MYO9A: variants seen among roughly 807,000 people sequenced by gnomAD.
MYO9A encodes myosin IXA, also known as unconventional myosin-IXa.
MYO9A carries 103 observed loss-of-function variants against 293.3 expected under a neutral mutation model. The observed-to-expected ratio is 0.35, with a 90% CI of 0.30 to 0.41. MYO9A has a LOEUF of 0.41. Among genes scored for constraint, MYO9A ranks in the 10% least tolerant of loss-of-function variants. MYO9A has a pLI of 1.00. For missense variants in MYO9A, 2,685 were observed against 3,033.0 expected (o/e 0.89, Z 2.69); for synonymous variants, 1,001 against 1,035.7 (o/e 0.97, Z 0.64).
Position 71,878,736 on chromosome 15 carries a change from T to C in MYO9A, c.5740-505A>G, listed in dbSNP as rs549411790. Among the ~76,000 whole-genome samples, 9 of 141,442 alleles carry C rather than the reference T, an allele frequency of 6.4e-5. No homozygotes were observed. In the South Asian group the frequency reaches 1.6e-3, roughly 24 times the overall value. The allele number at this position is 141,442 out of a possible 152,430, so 92.8% of individuals were successfully genotyped here. A position where few individuals can be genotyped will look rare whatever the true frequency, so the allele number is the denominator to read the frequency against. On this transcript the variant is annotated intron_variant, in intron 30 of 41. Coordinates refer to ENST00000356056, the MANE Select transcript of MYO9A (RefSeq NM_006901.4). ...GAATTTCTTTTATTTAAATGAGATC[T>C]GGAATTTTTTTTTTTTTTTTTTTTT...
At chr15:72,010,194 TA>T (rs2077132321) in intron 7 of MYO9A, among the ~76,000 whole-genome samples, 155 bp downstream of exon 7, 1 of 151,990 alleles carries the variant, frequency 6.6e-6, no homozygotes, top group Non-Finnish European at 1.5e-5. Context: ...TAATTTATGA[TA>T]AAAAAAGGAA....
chr15:71,956,860 A>ATATATAT (rs2059213708), intron 14 of MYO9A, among the ~76,000 whole-genome samples: 2 of 140,330 alleles, frequency 1.4e-5, no homozygotes, highest in African/African-American at 5.4e-5. Context: ...CACACACACA[A>ATATATAT]ATATATATAT....
At chr15:72,107,752 T>C (rs912801731) in intron 1 of MYO9A, among the ~76,000 whole-genome samples, 33 of 150,934 alleles carry the variant, frequency 2.2e-4, no homozygotes, top group Non-Finnish European at 2.1e-4. Flanking sequence ...TTCAGGAACC[T>C]GTTTGAAGAA....
intron 1 of MYO9A, among the ~76,000 whole-genome samples, chr15:72,070,537 G>C (rs183701572): frequency 6.6e-5 from 10 of 151,872 alleles, no homozygotes; most frequent in African/African-American, 1.9e-4. Flanking sequence ...GCACATTTTG[G>C]AGGCCTTGTT....
At chr15:71,911,943 T>C (rs1007687539) in intron 19 of MYO9A, among the ~76,000 whole-genome samples, 1 of 152,222 alleles carries the variant, frequency 6.6e-6, no homozygotes, top group Non-Finnish European at 1.5e-5. Context: ...GTTACTTGTT[T>C]CTATTTATCA....
intron 2 of MYO9A, chr15:72,041,317 G>A (rs1421148471): frequency 1.4e-6 from 1 of 718,564 alleles, no homozygotes; most frequent in Non-Finnish European, 2.4e-6. Context: ...GGCAGTTTAA[G>A]ATCCTCAGGA....
chr15:71,833,540 A>C (rs898427120), intron 39 of MYO9A, among the ~76,000 whole-genome samples: 1 of 152,132 alleles, frequency 6.6e-6, no homozygotes, highest in African/African-American at 2.4e-5. Flanking sequence ...GAGAACAAGT[A>C]TGCACACGCA....
intron 1 of MYO9A, among the ~76,000 whole-genome samples, chr15:72,080,165 T>G (rs945399152): frequency 6.6e-6 from 1 of 151,636 alleles, no homozygotes; most frequent in African/African-American, 2.4e-5. Context: ...TCACATTATA[T>G]AATTCATATA....
At chr15:72,096,846 G>A (rs1345191461) in intron 1 of MYO9A, among the ~76,000 whole-genome samples, 2 of 152,176 alleles carry the variant, frequency 1.3e-5, no homozygotes, top group Non-Finnish European at 2.9e-5. Context: ...GACTTTGATG[G>A]CTTCAAGACT....
chr15:72,111,572 C>T (rs553404116), intron 1 of MYO9A, among the ~76,000 whole-genome samples: 1 of 151,436 alleles, frequency 6.6e-6, no homozygotes, highest in East Asian at 1.9e-4. Context: ...CTACTATATG[C>T]TTGGTGCTTT....
chr15:72,080,833 A>G (rs747935959), intron 1 of MYO9A, among the ~76,000 whole-genome samples: 31 of 152,050 alleles, frequency 2.0e-4, no homozygotes, highest in Non-Finnish European at 4.0e-4. Flanking sequence ...CTGTTCCCAT[A>G]TTAGTTTACT....
intron 33 of MYO9A, 93 bp from the exon 34 acceptor site, chr15:71,859,889 T>C: frequency 1.9e-6 from 2 of 1,057,126 alleles, no homozygotes; most frequent in Non-Finnish European, 2.8e-6. Context: ...CCTACGTTTT[T>C]TTCTTTAAAT....
intron 14 of MYO9A, chr15:71,959,579 T>G: frequency 5.1e-6 from 1 of 195,932 alleles, no homozygotes; most frequent in Non-Finnish European, 1.1e-5. Flanking sequence ...ACAGAAAAAG[T>G]ATCCTGCTTT....
intron 11 of MYO9A, among the ~76,000 whole-genome samples, chr15:71,988,952 T>C (rs1338696229): frequency 6.6e-6 from 1 of 152,142 alleles, no homozygotes; most frequent in Admixed American, 6.5e-5. Context: ...TGGAGTACAG[T>C]GGCGCAATCT....
intron 12 of MYO9A, among the ~76,000 whole-genome samples, chr15:71,970,880 C>T (rs998997103): frequency 3.9e-5 from 6 of 152,020 alleles, no homozygotes; most frequent in Admixed American, 2.6e-4. Flanking sequence ...CATTCTCGGC[C>T]GGGCGCAGTG....
At chr15:71,925,281 G>A (rs1042416973) in intron 18 of MYO9A, among the ~76,000 whole-genome samples, 5 of 148,852 alleles carry the variant, frequency 3.4e-5, no homozygotes, top group East Asian at 3.9e-4. Context: ...ATACATATAC[G>A]TATACACGTG....
chr15:71,837,737 TTAAAG>T (rs747903057), intron 39 of MYO9A, among the ~76,000 whole-genome samples: 2 of 152,098 alleles, frequency 1.3e-5, no homozygotes, highest in Non-Finnish European at 2.9e-5. Flanking sequence ...CTTAAAAAGA[TTAAAG>T]TAATTTTTAA....
chr15:71,872,771 T>C (rs1378780783), intron 32 of MYO9A, among the ~76,000 whole-genome samples: 5 of 152,194 alleles, frequency 3.3e-5, no homozygotes, highest in Admixed American at 2.0e-4. Context: ...TATGTGTGTA[T>C]ATGTCTGTGT....
rs1048492195 is a variant in MYO9A at position 72,070,494 on chromosome 15, G to A, written c.-71-23860C>T. ...GAATGAGGGGCAGGCCTCAATCTAC[G>A]GGTTAATCCACTTATGAGCTCTACA... is the stretch of plus-strand genomic sequence containing the variant. On this transcript the variant is annotated intron_variant, in intron 1 of 41. Coordinates refer to ENST00000356056, the MANE Select transcript of MYO9A (RefSeq NM_006901.4). 4.0e-5 allele frequency among the ~76,000 whole-genome samples: 6 copies of A among 150,616 alleles called. No homozygotes were observed. The South Asian group carries it at 6.3e-4, about 16-fold the overall frequency.
Sources: allele counts gnomAD v4.1 joint callset (sites outside exome capture counted in the v4.1 genomes callset), GRCh38; gene constraint gnomAD v4.1.1; transcripts MANE v1.5; gene names NCBI Gene and HGNC (gene_info 2026-07-23, HGNC 2026-07-21).